Variants in ZNF423 observed in about 807,000 individuals in gnomAD.
ZNF423 encodes the protein Ebf-associated zinc finger protein.
Under a neutral mutation model 95.8 loss-of-function variants are expected in ZNF423, and 12 were observed. The ratio of observed to expected loss-of-function variants is 0.13; its 90% CI spans 0.08 to 0.20. ZNF423 has a LOEUF of 0.20. ZNF423 is among the 10% of genes least tolerant of loss of function. The pLI, the probability that ZNF423 is intolerant of heterozygous loss-of-function variation, is 1.00. For synonymous variants in ZNF423, 749 were observed against 711.9 expected (o/e 1.05, Z -0.83); for missense variants, 1,316 against 1,737.1 (o/e 0.76, Z 4.31).
intron 2 of ZNF423, among the ~76,000 whole-genome samples, chr16:49,769,881 G>A (rs4785344): frequency 0.16 from 24,340 of 151,680 alleles, 2,039 homozygotes; most frequent in South Asian, 0.26. Flanking sequence ...GAACGCCTGG[G>A]ACACTGCTTC....
At chr16:49,537,217 T>C (rs1028998659) in intron 5 of ZNF423, among the ~76,000 whole-genome samples, 1 of 152,186 alleles carries the variant, frequency 6.6e-6, no homozygotes, top group Non-Finnish European at 1.5e-5. Context: ...CCAAATACCA[T>C]AACTTTGAAC....
chr16:49,649,240 T>G (rs1973296887), intron 3 of ZNF423, among the ~76,000 whole-genome samples: 1 of 152,204 alleles, frequency 6.6e-6, no homozygotes, highest in Non-Finnish European at 1.5e-5. Flanking sequence ...AGATCACTAC[T>G]GGACCAGGTT....
chr16:49,761,517 A>C (rs567270267), intron 2 of ZNF423, among the ~76,000 whole-genome samples: 2 of 152,222 alleles, frequency 1.3e-5, no homozygotes, highest in Non-Finnish European at 2.9e-5. Flanking sequence ...CCACGCTCTG[A>C]GTAGCAAAGA....
intron 2 of ZNF423, among the ~76,000 whole-genome samples, chr16:49,761,228 G>A (rs2033827915): frequency 1.3e-5 from 2 of 152,192 alleles, no homozygotes; most frequent in African/African-American, 4.8e-5. Flanking sequence ...GTGGTTAAAT[G>A]TGAGAAACCA....
At position 49,638,269 on chromosome 16, in the gene ZNF423, G is replaced by C. The variant is rs1972831926; in HGVS notation, c.907C>G (p.Leu303Val). The C allele has an allele frequency of 6.2e-7, 1 of 1,613,030 alleles. No individual in the cohort carries two copies. Among genetic ancestry groups the C allele is most frequent in the East Asian group, 2.2e-5 (1 of 44,876 alleles). Residue 303 changes from leucine to valine, a missense_variant, in exon 4 of 8, where the codon CTG (leucine) becomes GTG (valine). Around this residue, in one of 6 missense-constraint regions of ZNF423, gnomAD observed 399 missense variants for 478.5 expected, o/e 0.83. Transcript: ENST00000563137. This position sits in a 1 kb window ranked among gnomAD's most constrained non-coding sequence, Gnocchi z 5.6. ...RHPQLSEKAD[L>V]QCIHCPEVFV... is the part of the protein sequence containing the mutation. ...ACCTCAGGGCAGTGAATGCACTGCA[G>C]GTCCGCCTTCTCGGACAGCTGCGGG... is the stretch of plus-strand genomic sequence containing the variant.
At chr16:49,783,725 C>T (rs541729763) in intron 2 of ZNF423, among the ~76,000 whole-genome samples, 2 of 151,798 alleles carry the variant, frequency 1.3e-5, no homozygotes, top group African/African-American at 4.8e-5. Flanking sequence ...GCACTGGGAG[C>T]CTTTGGAAGG....
At chr16:49,556,394 T>C (rs1372382275) in intron 5 of ZNF423, among the ~76,000 whole-genome samples, 2 of 152,186 alleles carry the variant, frequency 1.3e-5, no homozygotes, top group Admixed American at 1.3e-4. Context: ...CATACAGATT[T>C]TTCTATCCCA....
Position 49,488,763 on chromosome 16 carries a change from C to A in ZNF423, c.*2512G>T, listed in dbSNP as rs371766594. 1 of 152,236 alleles carries A rather than the reference C, an allele frequency of 6.6e-6. No individual in the cohort carries two copies. The highest frequency in any genetic ancestry group is 2.4e-5 in the African/African-American group (1 of 41,432). 9.4% of individuals were successfully genotyped at this position (152,236 alleles called of 1,614,324 possible). On this transcript the variant is annotated 3_prime_UTR_variant, in exon 8 of 8. Coordinates refer to ENST00000563137, the MANE Select transcript of ZNF423 (RefSeq NM_001379286.1). Reference sequence around the variant, plus strand: ...AGTTCTCCGAGGCACAGGTTTATAACCCTACACTGCTCCCCAACCCTAATA... The same window carrying A: ...AGTTCTCCGAGGCACAGGTTTATAAACCTACACTGCTCCCCAACCCTAATA...
intron 3 of ZNF423, among the ~76,000 whole-genome samples, chr16:49,725,650 G>A (rs2032991260): frequency 6.6e-6 from 1 of 152,232 alleles, no homozygotes; most frequent in Non-Finnish European, 1.5e-5. Flanking sequence ...CGTGGGGGCT[G>A]CAGAGGGCCA....
At chr16:49,664,258 C>G (rs1308092445) in intron 3 of ZNF423, 2 of 985,456 alleles carry the variant, frequency 2.0e-6, no homozygotes, top group Non-Finnish European at 2.4e-6. Flanking sequence ...CCCACCCGGC[C>G]GCCTGGGCCG....
chr16:49,748,317 T>C (rs188128769), intron 2 of ZNF423, among the ~76,000 whole-genome samples: 3 of 152,354 alleles, frequency 2.0e-5, no homozygotes, highest in Admixed American at 1.3e-4. Context: ...TAGTCATTTT[T>C]CAGTAAATGC....
At chr16:49,497,483 G>A (rs892345788) in intron 7 of ZNF423, among the ~76,000 whole-genome samples, 8 of 152,186 alleles carry the variant, frequency 5.3e-5, no homozygotes, top group Non-Finnish European at 8.8e-5. Context: ...GAGTCTTTGA[G>A]TCCCTATAGC....
At chr16:49,621,672 C>CGGCA (rs2151858756) in intron 5 of ZNF423, among the ~76,000 whole-genome samples, 1 of 152,266 alleles carries the variant, frequency 6.6e-6, no homozygotes, top group East Asian at 1.9e-4. Flanking sequence ...CCCCCGTCAG[C>CGGCA]GGCAGGGCAG....
intron 6 of ZNF423, 75 bp from the exon 7 acceptor site, chr16:49,523,814 A>C: frequency 8.3e-7 from 1 of 1,198,560 alleles, no homozygotes; most frequent in Non-Finnish European, 1.2e-6. Flanking sequence ...CCCCCACAAC[A>C]CTCGCAGGCA....
intron 2 of ZNF423, among the ~76,000 whole-genome samples, chr16:49,780,039 G>A (rs540340300): frequency 1.1e-4 from 17 of 152,214 alleles, no homozygotes; most frequent in Non-Finnish European, 2.2e-4. Context: ...CATCTCAAGT[G>A]GGTGGAAATC....
intron 1 of ZNF423, among the ~76,000 whole-genome samples, chr16:49,846,333 G>C (rs1015260787): frequency 4.7e-5 from 7 of 148,954 alleles, no homozygotes; most frequent in Non-Finnish European, 1.0e-4. Context: ...GCATAGATAT[G>C]CCACAGAGGT....
At chr16:49,613,540 A>C (rs1409971154) in intron 5 of ZNF423, among the ~76,000 whole-genome samples, 1 of 152,222 alleles carries the variant, frequency 6.6e-6, no homozygotes, top group East Asian at 1.9e-4. Context: ...AAATTTAAAA[A>C]TTAGCCAGAT....
rs532969605 is a variant in ZNF423 at position 49,728,889 on chromosome 16, C to T, written c.301+1882G>A. On this transcript the variant is annotated intron_variant, in intron 3 of 7. Transcript: ENST00000563137. ...CTGGGACTACAGGCATGTGCCATCA[C>T]GCCTGGGTAATTTTTGTATTTTTAG... Among the ~76,000 whole-genome samples the T allele has an allele frequency of 2.2e-3, 329 of 152,224 alleles. 1 individual carries two copies. Among genetic ancestry groups the T allele is most frequent in the Non-Finnish European group, 3.9e-3 (264 of 68,026 alleles).
intron 5 of ZNF423, among the ~76,000 whole-genome samples, chr16:49,608,391 G>A (rs1971610436): frequency 1.3e-5 from 2 of 152,192 alleles, no homozygotes; most frequent in South Asian, 4.1e-4. Flanking sequence ...CTACAAGCTA[G>A]CACAGAAGTT....
Sources: allele counts gnomAD v4.1 joint callset (sites outside exome capture counted in the v4.1 genomes callset), GRCh38; gene constraint gnomAD v4.1.1; regional missense constraint gnomAD v4.1.1; non-coding constraint Gnocchi (gnomAD v3.1); transcripts MANE v1.5; gene names NCBI Gene and HGNC (gene_info 2026-07-23, HGNC 2026-07-21).